Variants in RAB3B observed in about 807,000 individuals in gnomAD.
RAB3B encodes RAB3B, member RAS oncogene family, also known as ras-related protein Rab-3B.
A neutral mutation model predicts 20.5 loss-of-function variants in RAB3B; 11 were observed. The observed-to-expected ratio is 0.54, with a 90% CI of 0.34 to 0.89. RAB3B has a LOEUF of 0.89. Ranked by LOEUF, RAB3B falls within the 40% of genes least tolerant of loss-of-function variation. RAB3B has a pLI of 0.02. For synonymous variants in RAB3B, 99 were observed against 106.3 expected, an observed-to-expected ratio of 0.93 and a Z score of 0.42; for missense variants, 225 against 280.9, an observed-to-expected ratio of 0.80 and a Z score of 1.42.
intron 1 of RAB3B, 61 bp from the exon 2 acceptor site, chr1:51,977,178 C>T: frequency 7.9e-7 from 1 of 1,270,872 alleles, no homozygotes; most frequent in Non-Finnish European, 1.1e-6. Context: ...GAGTCACCAT[C>T]CTTCTAATGG....
intron 3 of RAB3B, among the ~76,000 whole-genome samples, chr1:51,934,842 T>C (rs1457102240): frequency 6.7e-6 from 1 of 149,314 alleles, no homozygotes; most frequent in Non-Finnish European, 1.5e-5. Flanking sequence ...AAAGTGAGCA[T>C]GTATTACTTC....
intron 1 of RAB3B, among the ~76,000 whole-genome samples, chr1:51,989,146 A>T: frequency 1.7e-5 from 1 of 57,662 alleles, no homozygotes; most frequent in Non-Finnish European, 4.1e-5. Context: ...CTCTCCTTTT[A>T]CTGTCTCCCA....
chr1:51,924,713 T>TCTAG, intron 4 of RAB3B, among the ~76,000 whole-genome samples: 1 of 152,178 alleles, frequency 6.6e-6, no homozygotes, highest in East Asian at 1.9e-4. Flanking sequence ...AACTCATGGG[T>TCTAG]CTAGCCAGCT....
At chr1:51,954,201 A>G (rs1453273536) in intron 2 of RAB3B, among the ~76,000 whole-genome samples, 1 of 152,250 alleles carries the variant, frequency 6.6e-6, no homozygotes, top group African/African-American at 2.4e-5. Flanking sequence ...TTGCTGGATG[A>G]ATGAATGAAT....
chr1:51,912,552 A>ATATATATAT lies in RAB3B; in HGVS notation c.*7374_*7375insATATATATA. 5.4e-5 allele frequency: 1 copy of ATATATATAT among 18,684 alleles called. No individual in the cohort carries two copies. The highest frequency in any genetic ancestry group is 1.2e-4 in the Non-Finnish European group (1 of 8,536). The allele number at this position is 18,684 out of a possible 1,614,324, so 1.2% of individuals were successfully genotyped here. On this transcript the variant is annotated 3_prime_UTR_variant, in exon 5 of 5. Transcript: ENST00000371655. The stretch of plus-strand genomic sequence containing the variant: ...CAAGACCGTCTCTATTAAAAAAAAA[A>ATATATATAT]AAATATATATATATATATATATATA...
At chr1:51,954,768 T>C (rs1029339827) in intron 2 of RAB3B, among the ~76,000 whole-genome samples, 3 of 152,252 alleles carry the variant, frequency 2.0e-5, no homozygotes, top group African/African-American at 7.2e-5. Flanking sequence ...ATTTCATAGA[T>C]TCTCAGATGT....
rs1231861184 is a variant in RAB3B, at chr1:51,910,887, G to C, written c.*9040C>G. ...GCTCAGGGACTTGCTGATTTACTTT[G>C]CTGTCTATTAGCCTTTCTGTGACAT... On this transcript the variant is annotated 3_prime_UTR_variant, in exon 5 of 5. Coordinates refer to ENST00000371655, the MANE Select transcript of RAB3B (RefSeq NM_002867.4). 6.6e-6 allele frequency: 1 copy of C among 152,202 alleles called. No individual in the cohort carries two copies. The highest frequency in any genetic ancestry group is 1.5e-5 in the Non-Finnish European group (1 of 68,034). 9.4% of individuals were successfully genotyped at this position (152,202 alleles called of 1,614,324 possible).
intron 4 of RAB3B, among the ~76,000 whole-genome samples, chr1:51,923,199 G>A (rs992071026): frequency 6.6e-6 from 1 of 152,226 alleles, no homozygotes; most frequent in African/African-American, 2.4e-5. Context: ...GTTAGCACTT[G>A]TAATTTGCAG....
chr1:51,947,556 GGAC>G (rs1036272487), intron 2 of RAB3B, among the ~76,000 whole-genome samples: 1 of 151,942 alleles, frequency 6.6e-6, no homozygotes, highest in African/African-American at 2.4e-5. Flanking sequence ...AGGCTTCCAG[GGAC>G]CAACAATCTC....
rs1354505032 is a variant in RAB3B at position 51,912,448 on chromosome 1, G to A, written c.*7479C>T. 7.5e-5 allele frequency: 11 copies of A among 147,486 alleles called. No individual in the cohort carries two copies. Among genetic ancestry groups the A allele is most frequent in the Non-Finnish European group, 1.5e-4 (10 of 67,176 alleles). 9.1% of individuals were successfully genotyped at this position (147,486 alleles called of 1,614,324 possible). A position where few individuals can be genotyped will look rare whatever the true frequency, so the allele number is the denominator to read the frequency against. ...TGAGGCTGGATGCGGTGGCTCATAC[G>A]TACAATCCTAGTGACTCAGGAGGCC... On this transcript the variant is annotated 3_prime_UTR_variant, in exon 5 of 5. Transcript: ENST00000371655.
At chr1:51,957,107 G>T (rs12739190) in intron 2 of RAB3B, among the ~76,000 whole-genome samples, 7,168 of 152,258 alleles carry the variant, frequency 0.047, 196 homozygotes, top group Middle Eastern at 0.075. Context: ...GTGATCAAAT[G>T]AACTGCTGGG....
At chr1:51,964,075 A>G (rs1458612437) in intron 2 of RAB3B, among the ~76,000 whole-genome samples, 2 of 152,126 alleles carry the variant, frequency 1.3e-5, no homozygotes, top group African/African-American at 4.8e-5. Flanking sequence ...TTTTCTTTAG[A>G]GCAAACATCC....
Position 51,912,378 on chromosome 1 carries a change from T to G in RAB3B, c.*7549A>C, listed in dbSNP as rs997303398. Reference sequence around the variant, plus strand: ...TGTTTTTGTGTGAAGTAAACCTCAGTGTTACTGAGCCGTTCATTTATTTAG... The same window carrying G: ...TGTTTTTGTGTGAAGTAAACCTCAGGGTTACTGAGCCGTTCATTTATTTAG... On this transcript the variant is annotated 3_prime_UTR_variant, in exon 5 of 5. Transcript: ENST00000371655. 4 of 149,416 alleles carry G rather than the reference T, an allele frequency of 2.7e-5. No individual in the cohort carries two copies. The highest frequency in any genetic ancestry group is 9.8e-5 in the African/African-American group (4 of 40,666). The allele number at this position is 149,416 out of a possible 1,614,324, so 9.3% of individuals were successfully genotyped here.
rs1166997647 is a variant in RAB3B at position 51,984,263 on chromosome 1, T to TAAAAAAAAAAAAA, written c.-1+6276_-1+6288dup. Among the ~76,000 whole-genome samples the TAAAAAAAAAAAAA allele has an allele frequency of 1.5e-4, 3 of 20,674 alleles. 1 individual carries two copies. The highest frequency in any genetic ancestry group is 5.4e-4 in the African/African-American group (3 of 5,566). The allele number at this position is 20,674 out of a possible 152,430, so 13.6% of individuals were successfully genotyped here. A position where few individuals can be genotyped will look rare whatever the true frequency, so the allele number is the denominator to read the frequency against. ...CAGGCAACAGTGGAGACTCTCTAAT[T>TAAAAAAAAAAAAA]AAAAAAAAAAAAAAAAAAAAAAAAA... On this transcript the variant is annotated intron_variant, in intron 1 of 4. Transcript: ENST00000371655.
chr1:51,979,260 G>A (rs1685051370), intron 1 of RAB3B, among the ~76,000 whole-genome samples: 1 of 150,748 alleles, frequency 6.6e-6, no homozygotes, highest in Admixed American at 6.6e-5. Context: ...CCATGTAAAG[G>A]CATTATGCTT....
intron 2 of RAB3B, among the ~76,000 whole-genome samples, chr1:51,947,671 G>T (rs1219111716): frequency 1.3e-5 from 2 of 152,038 alleles, no homozygotes; most frequent in African/African-American, 2.4e-5. Flanking sequence ...TTTTCCACAC[G>T]GTCGTCACAC....
intron 1 of RAB3B, among the ~76,000 whole-genome samples, chr1:51,980,035 C>T (rs972330317): frequency 9.2e-5 from 14 of 151,744 alleles, no homozygotes; most frequent in African/African-American, 3.4e-4. Flanking sequence ...GAGCGAGACT[C>T]CACCCCCCCA....
Position 51,976,937 on chromosome 1 carries a change from C to A in RAB3B, c.181G>T (p.Val61Leu). The stretch of plus-strand genomic sequence containing the variant: ...TTCTCGTGACGGTAGACTGTCTTCA[C>A]CTTGAAGTCGATGCCCACGGTGCTA... Reference protein sequence around the residue: ...FVSTVGIDFKVKTVYRHEKRV... With the variant: ...FVSTVGIDFKLKTVYRHEKRV... The change falls in exon 2 of 5, where the codon GTG becomes TTG. Residue 61 changes from valine to leucine, a missense_variant. Physicochemically the swap from Val to Leu is conservative, Grantham distance 32. Coordinates refer to ENST00000371655, the MANE Select transcript of RAB3B (RefSeq NM_002867.4). 1 of 1,614,202 alleles carries A rather than the reference C, an allele frequency of 6.2e-7. No individual in the cohort carries two copies. Among genetic ancestry groups the A allele is most frequent in the Non-Finnish European group, 8.5e-7 (1 of 1,180,048 alleles).
At chr1:51,946,215 G>A (rs545421635) in intron 2 of RAB3B, among the ~76,000 whole-genome samples, 33 of 152,244 alleles carry the variant, frequency 2.2e-4, no homozygotes, top group African/African-American at 7.2e-4. Context: ...CTCATAGTAA[G>A]TGCTGCTATT....
Sources: gnomAD v4.1 joint callset for allele counts (sites outside exome capture counted in the v4.1 genomes callset) on GRCh38, gnomAD v4.1.1 for gene constraint, MANE v1.5 for transcripts, NCBI Gene and HGNC (gene_info 2026-07-23, HGNC 2026-07-21) for gene names.